Variants in H6PD observed in about 807,000 individuals in gnomAD.
H6PD encodes the protein GDH/6PGL endoplasmic bifunctional protein.
In H6PD, 48 loss-of-function variants were observed where a neutral mutation model predicts 61.2. The observed-to-expected ratio is 0.78, with a 90% CI of 0.62 to 1.00. The LOEUF (loss-of-function observed/expected upper bound fraction) is 1.00. H6PD is among the 50% of genes least tolerant of loss of function. The pLI, the probability that H6PD is intolerant of heterozygous loss-of-function variation, is 0.00. For synonymous variants in H6PD, 480 were observed against 457.9 expected, an observed-to-expected ratio of 1.05 and a Z score of -0.62; for missense variants, 1,093 against 1,065.0, an observed-to-expected ratio of 1.03 and a Z score of -0.37.
rs1222766316 is a variant in H6PD at position 9,262,201 on chromosome 1, C to G, written c.888C>G (p.Val296=). The part of the protein sequence containing the change: ...AEAVLRHKLQ[V]FQALRGLQRG... ...CTGTGCTGCGGCACAAGCTTCAGGT[C>G]TTCCAGGCGCTGCGGGGCCTGCAGA... The change falls in exon 4 of 5, where the codon GTC becomes GTG. Residue 296 remains valine (V), a synonymous_variant. Transcript: ENST00000377403. 1 of 1,614,186 alleles carries G rather than the reference C, an allele frequency of 6.2e-7. No homozygotes were observed. Among genetic ancestry groups the G allele is most frequent in the Admixed American group, 1.7e-5 (1 of 60,032 alleles).
At chr1:9,247,837 T>TTGGG (rs60191984) in intron 3 of H6PD, among the ~76,000 whole-genome samples, 73,401 of 151,846 alleles carry the variant, frequency 0.48, 19,168 homozygotes, top group African/African-American at 0.7. Flanking sequence ...TAAGGTCCCT[T>TTGGG]AGCTGGCATT....
At chr1:9,241,587 TG>T (rs1288398693) in intron 1 of H6PD, among the ~76,000 whole-genome samples, 7 of 152,150 alleles carry the variant, frequency 4.6e-5, no homozygotes, top group African/African-American at 1.7e-4. Context: ...TTTGTAGAGA[TG>T]GGGGTCTCGC....
intron 1 of H6PD, among the ~76,000 whole-genome samples, chr1:9,241,290 TG>T (rs1177523196): frequency 7.3e-6 from 1 of 136,090 alleles, no homozygotes; most frequent in Non-Finnish European, 1.6e-5. Flanking sequence ...TGATGGTATT[TG>T]CCCTGTTTTG....
chr1:9,261,411 CGAGGCTGGCTCTTCAGGTCTCG>C (rs914746649), intron 3 of H6PD, among the ~76,000 whole-genome samples: 20 of 151,918 alleles, frequency 1.3e-4, no homozygotes, highest in African/African-American at 4.8e-4. Flanking sequence ...TGGCTTTTTG[CGAGGCTGGCTCTTCAGGTCTCG>C]GAGGGGCCTT....
chr1:9,235,887 C>CGTA (rs1430028234), intron 1 of H6PD, among the ~76,000 whole-genome samples: 8 of 152,244 alleles, frequency 5.3e-5, no homozygotes, highest in African/African-American at 1.9e-4. Flanking sequence ...GTTGGGATTA[C>CGTA]AGGTGTGAAG....
In H6PD at chr1:9,245,014, C is replaced by G; in HGVS notation, c.80C>G (p.Ser27Cys). Residue 27 changes from serine to cysteine, a missense_variant, in exon 2 of 5, where the codon TCC (serine) becomes TGC (cysteine). Physicochemically the swap from Ser to Cys is moderately radical, Grantham distance 112 (BLOSUM62 -1). Transcript: ENST00000377403. The surrounding 1 kb of genome is among the most constrained non-coding windows in gnomAD (Gnocchi z 4.8). ...GCCCAGGAGCTCCAGGGACATGTCTCCATAATCCTGCTGGGAGCAACTGGG... is the reference window on the plus strand; with the variant it reads ...GCCCAGGAGCTCCAGGGACATGTCTGCATAATCCTGCTGGGAGCAACTGGG... ...LQAQELQGHV[S>C]IILLGATGDL... The G allele has an allele frequency of 6.2e-7, 1 of 1,614,178 alleles. No individual in the cohort carries two copies. Among genetic ancestry groups the G allele is most frequent in the Non-Finnish European group, 8.5e-7 (1 of 1,180,010 alleles).
chr1:9,268,437 G>T lies in H6PD; in HGVS notation c.*3568G>T, dbSNP rs932161758. ...CTGGTGGGGACCAATGATTCCATCC[G>T]CATGGAAGCCCACGTGTGCACTTAG... On this transcript the variant is annotated 3_prime_UTR_variant, in exon 5 of 5. Coordinates refer to ENST00000377403, the MANE Select transcript of H6PD (RefSeq NM_004285.4). 6.6e-6 allele frequency: 1 copy of T among 152,150 alleles called. No individual in the cohort carries two copies. Among genetic ancestry groups the T allele is most frequent in the African/African-American group, 2.4e-5 (1 of 41,440 alleles). The allele number at this position is 152,150 out of a possible 1,614,324, so 9.4% of individuals were successfully genotyped here.
At chr1:9,246,172 G>T (rs1233216586) in intron 2 of H6PD, among the ~76,000 whole-genome samples, 3 of 152,132 alleles carry the variant, frequency 2.0e-5, no homozygotes, top group Non-Finnish European at 2.9e-5. Context: ...TCAAAATCCT[G>T]ACTTCAAGTG....
In H6PD at chr1:9,262,338, GGGGCTGGGCATGGGGCACT is replaced by G. The variant is rs1382067120; in HGVS notation, c.1015+17_1015+35del. 2 of 1,595,574 alleles carry G rather than the reference GGGGCTGGGCATGGGGCACT, an allele frequency of 1.3e-6. No individual in the cohort carries two copies. Among genetic ancestry groups the G allele is most frequent in the East Asian group, 4.5e-5 (2 of 44,082 alleles). ...ACGCCGACCTTCGCAGGTGGGCCCTGGGGCTGGGCATGGGGCACTGGGCTGCCCACTTCGCCGGGAGCAG... is the reference window on the plus strand; with the variant it reads ...ACGCCGACCTTCGCAGGTGGGCCCTGGGGCTGCCCACTTCGCCGGGAGCAG... On this transcript the variant is annotated intron_variant, in intron 4 of 4. Coordinates refer to ENST00000377403, the MANE Select transcript of H6PD (RefSeq NM_004285.4).
chr1:9,240,170 G>T (rs187378747), intron 1 of H6PD, among the ~76,000 whole-genome samples: 1 of 152,196 alleles, frequency 6.6e-6, no homozygotes, highest in East Asian at 1.9e-4. Context: ...CCTACAGGAT[G>T]CCCCCACAGC....
intron 3 of H6PD, among the ~76,000 whole-genome samples, chr1:9,248,541 T>C (rs922019188): frequency 6.6e-6 from 1 of 152,006 alleles, no homozygotes; most frequent in Non-Finnish European, 1.5e-5. Flanking sequence ...GGTACACCCG[T>C]AGTCCCAGCT....
chr1:9,253,558 G>T lies in H6PD; in HGVS notation c.745+6475G>T, dbSNP rs115218497. ...TTAATAGGGTGACATAGTGGAACTG[G>T]AAACCCTTTTCTTTCTTAGGGGTTA... On this transcript the variant is annotated intron_variant, in intron 3 of 4. Transcript: ENST00000377403. 7.5e-3 allele frequency among the ~76,000 whole-genome samples: 1,140 copies of T among 152,298 alleles called. 12 individuals are homozygous for T. Among genetic ancestry groups the T allele is most frequent in the African/African-American group, 0.026 (1,079 of 41,554 alleles).
intron 1 of H6PD, among the ~76,000 whole-genome samples, chr1:9,236,380 G>C (rs1315059239): frequency 6.6e-6 from 1 of 152,204 alleles, no homozygotes; most frequent in Non-Finnish European, 1.5e-5. Flanking sequence ...TAACATTTCT[G>C]GCCGGGCCCA....
rs1397968247 is a variant in H6PD, at chr1:9,245,357, C to T, written c.423C>T (p.Tyr141=). Residue 141 remains tyrosine, a synonymous_variant, in exon 2 of 5, where the codon TAC becomes TAT. Transcript: ENST00000377403. This position sits in a 1 kb window ranked among gnomAD's most constrained non-coding sequence, Gnocchi z 4.8. ...TCCGGGAGGCTGGCAGGATCTTCTA[C>T]TTCTCAGTGCCACCCTTCGCCTATG... ...AGLREAGRIF[Y]FSVPPFAYED... is the part of the protein sequence containing the mutation. 2 of 1,614,056 alleles carry T rather than the reference C, an allele frequency of 1.2e-6. No homozygotes were observed. The highest frequency in any genetic ancestry group is 8.5e-7 in the Non-Finnish European group (1 of 1,180,004).
At position 9,254,310 on chromosome 1, in the gene H6PD, G is replaced by A. The variant is rs1461031155; in HGVS notation, c.745+7227G>A. Among the ~76,000 whole-genome samples the A allele has an allele frequency of 3.3e-5, 5 of 152,104 alleles. No homozygotes were observed. The highest frequency in any genetic ancestry group is 2.1e-4 in the South Asian group (1 of 4,830). On this transcript the variant is annotated intron_variant, in intron 3 of 4. Transcript: ENST00000377403. The surrounding 1 kb of genome is among the most constrained non-coding windows in gnomAD (Gnocchi z 4.6). ...GCGAAGGTTACAGTGAGCCAAGATC[G>A]CGCCACTGCACTGCAGCCTGGGTAA...
rs1040871551 is a variant in H6PD, at chr1:9,254,952, C to A, written c.746-7107C>A. On this transcript the variant is annotated intron_variant, in intron 3 of 4. Coordinates refer to ENST00000377403, the MANE Select transcript of H6PD (RefSeq NM_004285.4). This position sits in a 1 kb window ranked among gnomAD's most constrained non-coding sequence, Gnocchi z 4.6. ...TCTGGATATTTTGTACATATAGGAT[C>A]ATACGGTGTGTGGTTTCCATCAGTT... Among the ~76,000 whole-genome samples, 5 of 152,224 alleles carry A rather than the reference C, an allele frequency of 3.3e-5. No homozygotes were observed. Among genetic ancestry groups the A allele is most frequent in the Non-Finnish European group, 7.3e-5 (5 of 68,050 alleles).
At chr1:9,255,633 C>T (rs1480349127) in intron 3 of H6PD, among the ~76,000 whole-genome samples, 1 of 152,118 alleles carries the variant, frequency 6.6e-6, no homozygotes, top group African/African-American at 2.4e-5. Flanking sequence ...TCTATTATTG[C>T]AGGGGAAGGG....
chr1:9,236,564 G>C (rs1640854489), intron 1 of H6PD, among the ~76,000 whole-genome samples: 1 of 152,106 alleles, frequency 6.6e-6, no homozygotes, highest in Non-Finnish European at 1.5e-5. Flanking sequence ...GGAGGCTAAG[G>C]CAGGAAAATC....
In H6PD at chr1:9,264,422, C is replaced by T. The variant is rs139743824; in HGVS notation, c.1929C>T (p.His643=). The T allele has an allele frequency of 2.9e-5, 46 of 1,612,926 alleles. No homozygotes were observed. The highest frequency in any genetic ancestry group is 3.3e-4 in the Middle Eastern group (2 of 6,084). Residue 643 remains histidine (H), a synonymous_variant, in exon 5 of 5, where the codon CAC becomes CAT. Coordinates refer to ENST00000377403, the MANE Select transcript of H6PD (RefSeq NM_004285.4). ...FQGLQAHLLQ[H]VRIPYYNIHP... Reference sequence around the variant, plus strand: ...GCCTGCAGGCCCACCTGCTGCAGCACGTCCGGATCCCCTACTACAACATCC... The same window carrying T: ...GCCTGCAGGCCCACCTGCTGCAGCATGTCCGGATCCCCTACTACAACATCC...
Sources: gnomAD v4.1 joint callset for allele counts (sites outside exome capture counted in the v4.1 genomes callset) on GRCh38, gnomAD v4.1.1 for gene constraint, Gnocchi (gnomAD v3.1) non-coding constraint, MANE v1.5 for transcripts, NCBI Gene and HGNC (gene_info 2026-07-23, HGNC 2026-07-21) for gene names.